USP53: variants seen among roughly 807,000 people sequenced by gnomAD.
The protein encoded by USP53 is ubiquitin specific peptidase 53, also known as ubiquitin carboxyl-terminal hydrolase 53.
Under a neutral mutation model 94.9 loss-of-function variants are expected in USP53, and 71 were observed. The observed-to-expected ratio is 0.75, with a 90% CI of 0.62 to 0.91. The LOEUF is 0.91. USP53 is among the 40% of genes least tolerant of loss of function. USP53 has a pLI of 0.00. For missense variants in USP53, 1,173 were observed against 1,281.0 expected, an observed-to-expected ratio of 0.92 and a Z score of 1.29; for synonymous variants, 375 against 422.7, an observed-to-expected ratio of 0.89 and a Z score of 1.39.
chr4:119,280,336 C>T (rs2149455479), intron 17 of USP53, among the ~76,000 whole-genome samples: 1 of 152,002 alleles, frequency 6.6e-6, no homozygotes. Flanking sequence ...CCCAGATAGG[C>T]AGGAGTATCT....
intron 3 of USP53, among the ~76,000 whole-genome samples, chr4:119,230,884 C>T (rs12186259): frequency 0.27 from 41,120 of 151,784 alleles, 5,816 homozygotes; most frequent in East Asian, 0.39. Context: ...AGGTGGGTTT[C>T]CTGCAGGTAG....
At chr4:119,228,629 G>T (rs1745641790) in intron 3 of USP53, among the ~76,000 whole-genome samples, 1 of 152,118 alleles carries the variant, frequency 6.6e-6, no homozygotes, top group African/African-American at 2.4e-5. Flanking sequence ...AGGGGCACAG[G>T]AGAGCTTCTC....
At chr4:119,214,049 G>A (rs1743346021) in intron 1 of USP53, 21 bp from the exon 2 acceptor site, 1 of 147,376 alleles carries the variant, frequency 6.8e-6, no homozygotes, top group African/African-American at 2.5e-5. Flanking sequence ...ATTGATAATT[G>A]TTATTTTCTG....
At chr4:119,242,106 T>A (rs1207454103) in intron 5 of USP53, among the ~76,000 whole-genome samples, 2 of 152,244 alleles carry the variant, frequency 1.3e-5, no homozygotes, top group Non-Finnish European at 2.9e-5. Context: ...CATTTGCTAG[T>A]CTGTTGAACA....
At chr4:119,214,353 T>C (rs1743409131) in intron 2 of USP53, 131 bp downstream of exon 2, 1 of 152,064 alleles carries the variant, frequency 6.6e-6, no homozygotes, top group Non-Finnish European at 1.5e-5. Context: ...AAGTGATTTA[T>C]TAAGATTTTT....
intron 17 of USP53, among the ~76,000 whole-genome samples, chr4:119,284,948 C>T (rs117708230): frequency 2.0e-5 from 3 of 151,934 alleles, no homozygotes; most frequent in East Asian, 1.9e-4. Context: ...TCTTTCCAAA[C>T]GTTTGCTGTG....
chr4:119,272,398 G>A (rs1751981006), intron 16 of USP53: 3 of 161,410 alleles, frequency 1.9e-5, no homozygotes, highest in African/African-American at 7.2e-5. Context: ...AAGTCATTAA[G>A]GTGGTTGTTT....
At chr4:119,270,048 TAA>T (rs1327017241) in intron 15 of USP53, among the ~76,000 whole-genome samples, 2 of 121,248 alleles carry the variant, frequency 1.6e-5, no homozygotes, top group Admixed American at 8.1e-5. Context: ...AAATTATATA[TAA>T]TTTATATAGT....
intron 12 of USP53, among the ~76,000 whole-genome samples, chr4:119,265,495 ACT>A (rs1751005353): frequency 6.6e-6 from 1 of 152,046 alleles, no homozygotes; most frequent in South Asian, 2.1e-4. Flanking sequence ...ACATGGTGAA[ACT>A]CTGTCTCTAC....
chr4:119,283,218 C>T (rs185087530), intron 17 of USP53, among the ~76,000 whole-genome samples: 131 of 151,882 alleles, frequency 8.6e-4, no homozygotes, highest in Non-Finnish European at 1.5e-3. Flanking sequence ...GGATTTCACA[C>T]GCCTTAAATT....
At position 119,271,602 on chromosome 4, in the gene USP53, A is replaced by C. The variant is rs1751876483; in HGVS notation, c.1742A>C (p.Asn581Thr). The C allele has an allele frequency of 8.1e-6, 13 of 1,613,782 alleles. No individual in the cohort carries two copies. The highest frequency in any genetic ancestry group is 1.1e-5 in the Non-Finnish European group (13 of 1,180,028). ...TGTGATAGCAGCAGTAAAAGCCGGA[A>C]CCGAGGTTGGAAACCTATGAGAGAA... ...NSCDSSSKSR[N>T]RGWKPMRETL... The change falls in exon 16 of 19, where the codon AAC becomes ACC. Residue 581 changes from asparagine to threonine, a missense_variant. Asn to Thr is a moderately conservative substitution (Grantham distance 65). Transcript: ENST00000692078.
chr4:119,215,409 G>A (rs767740997), intron 2 of USP53, among the ~76,000 whole-genome samples: 14 of 151,990 alleles, frequency 9.2e-5, no homozygotes, highest in Non-Finnish European at 1.8e-4. Context: ...ATCTTTGCAG[G>A]TTATACATTT....
At chr4:119,221,526 G>T (rs1394581356) in intron 3 of USP53, 1 of 152,006 alleles carries the variant, frequency 6.6e-6, no homozygotes, top group African/African-American at 2.4e-5. Context: ...AGCCACCAGG[G>T]GAAGATAAAT....
At chr4:119,242,821 C>G (rs1195275947) in intron 5 of USP53, among the ~76,000 whole-genome samples, 1 of 152,108 alleles carries the variant, frequency 6.6e-6, no homozygotes, top group Admixed American at 6.5e-5. Context: ...TTCAAAAATG[C>G]TGAGAAATAA....
intron 16 of USP53, 123 bp downstream of exon 16, chr4:119,272,157 G>A: frequency 9.9e-7 from 1 of 1,006,910 alleles, no homozygotes; most frequent in East Asian, 2.6e-5. Flanking sequence ...GTTTTAAAGA[G>A]CTTTAAAAAG....
chr4:119,246,514 G>T (rs1022797220), intron 6 of USP53, among the ~76,000 whole-genome samples: 2 of 152,204 alleles, frequency 1.3e-5, no homozygotes, highest in Admixed American at 6.5e-5. Flanking sequence ...AAATGACTTC[G>T]AGTGGAGCAG....
At chr4:119,212,702 G>T (rs1471490600), upstream of USP53, 1 of 343,108 alleles carries the variant, frequency 2.9e-6, no homozygotes, top group Non-Finnish European at 5.8e-6. Flanking sequence ...GAGACCAGCC[G>T]CCTGTGCTCC....
intron 6 of USP53, among the ~76,000 whole-genome samples, chr4:119,247,063 G>A (rs1462941849): frequency 6.6e-6 from 1 of 151,816 alleles, no homozygotes; most frequent in Non-Finnish European, 1.5e-5. Flanking sequence ...TGGCCAAATA[G>A]GGTTATTGTT....
At chr4:119,264,904 A>G (rs1750922767) in intron 12 of USP53, among the ~76,000 whole-genome samples, 1 of 152,248 alleles carries the variant, frequency 6.6e-6, no homozygotes, top group Non-Finnish European at 1.5e-5. Context: ...AAATGTCAGC[A>G]ATTGGTGAAT....
Sources: allele counts gnomAD v4.1 joint callset (sites outside exome capture counted in the v4.1 genomes callset), GRCh38; gene constraint gnomAD v4.1.1; transcripts MANE v1.5; gene names NCBI Gene and HGNC (gene_info 2026-07-23, HGNC 2026-07-21).